The following ENTREP1 variants were observed in gnomAD, a reference collection of about 807,000 sequenced individuals.
ENTREP1 encodes the protein Friedreich ataxia region gene X123.
At chr9:69,348,172 T>G in the ENTREP1 span, among the ~76,000 whole-genome samples, 1 of 152,318 alleles carries the variant, frequency 6.6e-6, no homozygotes, top group African/African-American at 2.4e-5. Context: ...TGGAGTGCAG[T>G]GGCGCGGACA....
At chr9:69,345,036 T>C in the ENTREP1 span, among the ~76,000 whole-genome samples, 1,602 of 152,318 alleles carry the variant, frequency 0.011, 26 homozygotes, top group African/African-American at 0.036. Context: ...TAAAAATAGT[T>C]CAAACTAAAT....
chr9:69,331,409 TC>T, the ENTREP1 span, among the ~76,000 whole-genome samples: 1,711 of 152,274 alleles, frequency 0.011, 32 homozygotes, highest in African/African-American at 0.039. Context: ...CAATGACTCT[TC>T]CCTGGGGTAT....
the ENTREP1 span, among the ~76,000 whole-genome samples, chr9:69,362,167 G>GGAA: frequency 6.6e-6 from 1 of 152,154 alleles, no homozygotes; most frequent in Admixed American, 6.6e-5. Context: ...GGAGCAGTGG[G>GGAA]GAAGTAAGGA....
the ENTREP1 span, among the ~76,000 whole-genome samples, chr9:69,362,487 G>T: frequency 0.031 from 4,688 of 152,220 alleles, 204 homozygotes; most frequent in African/African-American, 0.11. Flanking sequence ...AATTCGTTTT[G>T]CATAAAGGCA....
the ENTREP1 span, among the ~76,000 whole-genome samples, chr9:69,362,571 A>G: frequency 6.6e-6 from 1 of 152,232 alleles, no homozygotes; most frequent in Non-Finnish European, 1.5e-5. Flanking sequence ...ATAACAAAAT[A>G]TAAAAAAAGC....
chr9:69,349,177 T>C, the ENTREP1 span, among the ~76,000 whole-genome samples: 1 of 74,232 alleles, frequency 1.3e-5, no homozygotes, highest in Admixed American at 2.2e-4. Flanking sequence ...AAAGCGAAAC[T>C]CCATCTCAAA....
At chr9:69,376,883 T>G in the ENTREP1 span, among the ~76,000 whole-genome samples, 116,268 of 152,156 alleles carry the variant, frequency 0.76, 44,581 homozygotes, top group South Asian at 0.87. Context: ...GCCAGCTCCT[T>G]CAGTGTCCTC....
chr9:69,378,653 G>T, the ENTREP1 span, among the ~76,000 whole-genome samples: 2 of 152,006 alleles, frequency 1.3e-5, no homozygotes, highest in African/African-American at 2.4e-5. Flanking sequence ...CAGCTACTTG[G>T]GAGGCTGAGG....
the ENTREP1 span, chr9:69,392,394 C>G: frequency 1.3e-5 from 2 of 154,258 alleles, no homozygotes; most frequent in South Asian, 4.1e-4. Context: ...TCCATTTACT[C>G]ATGCTTGCAA....
the ENTREP1 span, chr9:69,336,303 T>C: frequency 7.6e-7 from 1 of 1,321,860 alleles, no homozygotes; most frequent in South Asian, 1.2e-5. Context: ...CTACCCTTTA[T>C]AAAATGTGCT....
chr9:69,345,427 GA>G, the ENTREP1 span, among the ~76,000 whole-genome samples: 229 of 152,280 alleles, frequency 1.5e-3, 1 homozygote, highest in African/African-American at 5.3e-3. Flanking sequence ...TTACCTCTCT[GA>G]GACTGTTTCT....
the ENTREP1 span, among the ~76,000 whole-genome samples, chr9:69,351,388 TTGATGATGA>T: frequency 1.3e-4 from 19 of 151,342 alleles, no homozygotes; most frequent in Non-Finnish European, 2.4e-4. Flanking sequence ...TCTTATTTCC[TTGATGATGA>T]TGATGATGAT....
At chr9:69,388,373 G>C in the ENTREP1 span, 1 of 1,614,152 alleles carries the variant, frequency 6.2e-7, no homozygotes. Flanking sequence ...TGAACTTGTA[G>C]AAAACATTAA....
At chr9:69,333,149 A>G in the ENTREP1 span, among the ~76,000 whole-genome samples, 1 of 152,158 alleles carries the variant, frequency 6.6e-6, no homozygotes, top group Non-Finnish European at 1.5e-5. Flanking sequence ...GTAAGAATTT[A>G]GAGAAAAATA....
chr9:69,340,208 G>A, the ENTREP1 span, among the ~76,000 whole-genome samples: 2 of 152,182 alleles, frequency 1.3e-5, no homozygotes, highest in Non-Finnish European at 2.9e-5. Context: ...TATTTTGGTG[G>A]TGGAGGTTGG....
chr9:69,333,616 TTTAATA>T, the ENTREP1 span, among the ~76,000 whole-genome samples: 8 of 152,178 alleles, frequency 5.3e-5, no homozygotes, highest in African/African-American at 1.9e-4. Flanking sequence ...ATAATATTGT[TTTAATA>T]GAAAAAATAC....
At chr9:69,384,306 A>G in the ENTREP1 span, among the ~76,000 whole-genome samples, 2 of 152,214 alleles carry the variant, frequency 1.3e-5, no homozygotes, top group Non-Finnish European at 2.9e-5. Context: ...AGATACAAAA[A>G]TACCATCAAC....
At chr9:69,324,723 C>T in the ENTREP1 span, 1 of 984,728 alleles carries the variant, frequency 1.0e-6, no homozygotes. Flanking sequence ...CGAGTCGCCC[C>T]AAAGCCCCTC....
the ENTREP1 span, among the ~76,000 whole-genome samples, chr9:69,378,375 A>T: frequency 2.6e-5 from 4 of 152,312 alleles, no homozygotes; most frequent in East Asian, 7.7e-4. Flanking sequence ...TAAAATTTTG[A>T]CCTTCTTAAA....
Sources: gnomAD v4.1 joint callset for allele counts (sites outside exome capture counted in the v4.1 genomes callset) on GRCh38, gnomAD v4.1.1 for gene constraint, MANE v1.5 for transcripts, NCBI Gene and HGNC (gene_info 2026-07-23, HGNC 2026-07-21) for gene names.